MPRIP: variants seen among roughly 807,000 people sequenced by gnomAD.
MPRIP encodes myosin phosphatase Rho-interacting protein.
In MPRIP, 59 loss-of-function variants were observed where a neutral mutation model predicts 234.9. The observed-to-expected ratio is 0.25, with a 90% confidence interval of 0.20 to 0.31. The LOEUF (loss-of-function observed/expected upper bound fraction) is 0.31. Ranked by LOEUF, MPRIP falls within the 10% of genes least tolerant of loss-of-function variation. MPRIP has a pLI of 1.00. For missense variants in MPRIP, 2,436 were observed against 3,071.0 expected (o/e 0.79, Z 4.89); for synonymous variants, 1,144 against 1,263.9 (o/e 0.91, Z 2.01).
At position 17,174,006 on chromosome 17, in the gene MPRIP, G is replaced by A. The variant is rs11551186; in HGVS notation, c.6681G>A (p.Ala2227=). The change falls in exon 19 of 24, where the codon GCG becomes GCA. Residue 2227 remains alanine (A), a synonymous_variant. Coordinates refer to ENST00000651222, the MANE Select transcript of MPRIP (RefSeq NM_001364716.4). ...KCLENAHLAQ[A]LEAERQALRQ... The stretch of plus-strand genomic sequence containing the variant: ...TGGAGAATGCCCATCTGGCCCAGGC[G>A]CTGGAGGCCGAGCGGCAGGCCCTGC... 3.4e-3 allele frequency: 5,491 copies of A among 1,613,672 alleles called. 97 individuals carry two copies. The African/African-American group carries it at 0.046, about 14-fold the overall frequency.
At position 17,137,329 on chromosome 17, in the gene MPRIP, C is replaced by A. The variant is rs573988968; in HGVS notation, c.737-587C>A. ...AGGAGTTTGAGACCAGCCTGGCCAA[C>A]ATAGTGAAATCCCATCTCTGCTAAA... On this transcript the variant is annotated intron_variant, in intron 6 of 23. Coordinates refer to ENST00000651222, the MANE Select transcript of MPRIP (RefSeq NM_001364716.4). Among the ~76,000 whole-genome samples, 6 of 152,182 alleles carry A rather than the reference C, an allele frequency of 3.9e-5. 1 individual carries two copies. In the South Asian group the frequency reaches 1.2e-3, roughly 32 times the overall value.
chr17:17,166,427 A>G lies in MPRIP; in HGVS notation c.4836A>G (p.Val1612=), dbSNP rs1457975209. 1 of 1,304,394 alleles carries G rather than the reference A, an allele frequency of 7.7e-7. No individual in the cohort carries two copies. The highest frequency in any genetic ancestry group is 1.2e-5 in the South Asian group (1 of 81,024). The allele number at this position is 1,304,394 out of a possible 1,614,324, so 80.8% of individuals were successfully genotyped here. A position where few individuals can be genotyped will look rare whatever the true frequency, so the allele number is the denominator to read the frequency against. Residue 1612 remains valine, a synonymous_variant, in exon 16 of 24, where the codon GTA becomes GTG. Transcript: ENST00000651222. The surrounding 1 kb of genome is among the most constrained non-coding windows in gnomAD (Gnocchi z 4.4). ...QPPMESAGAP[V]DTWARKVLVD... is the part of the protein sequence containing the mutation. ...CGATGGAATCTGCTGGGGCCCCCGTAGACACCTGGGCCAGGAAGGTCCTAG... is the reference window on the plus strand; with the variant it reads ...CGATGGAATCTGCTGGGGCCCCCGTGGACACCTGGGCCAGGAAGGTCCTAG...
Position 17,142,710 on chromosome 17 carries a change from C to A in MPRIP, c.1334C>A (p.Pro445Gln), listed in dbSNP as rs3744137. 0.52 allele frequency: 831,875 copies of A among 1,611,912 alleles called. 222,666 individuals are homozygous for A. Among genetic ancestry groups the A allele is most frequent in the East Asian group, 0.66 (29,562 of 44,858 alleles). The stretch of plus-strand genomic sequence containing the variant: ...GAGACCAATGCAGTGGGGCCCTCAC[C>A]ATCCAGCGACACACGCCAGGGCCGC... ...HMETNAVGPSPSSDTRQGRSE... is the reference protein window; with the variant it reads ...HMETNAVGPSQSSDTRQGRSE... Residue 445 changes from proline (P) to glutamine (Q), a missense_variant, in exon 8 of 24, where the codon CCA becomes CAA. Physicochemically the swap from Pro to Gln is moderately conservative, Grantham distance 76. Coordinates refer to ENST00000651222, the MANE Select transcript of MPRIP (RefSeq NM_001364716.4).
At chr17:17,056,369 A>C (rs1298163194) in intron 1 of MPRIP, among the ~76,000 whole-genome samples, 1 of 152,198 alleles carries the variant, frequency 6.6e-6, no homozygotes, top group Non-Finnish European at 1.5e-5. Context: ...TCCTGTGGCC[A>C]CGGGCTGTTT....
intron 12 of MPRIP, 41 bp downstream of exon 12, chr17:17,150,274 C>T (rs1269608247): frequency 6.8e-7 from 1 of 1,469,784 alleles, no homozygotes; most frequent in South Asian, 1.1e-5. Context: ...GCTTGACAGG[C>T]AGGGATGCAT....
Position 17,142,771 on chromosome 17 carries a change from C to T in MPRIP, c.1389+6C>T, listed in dbSNP as rs762198610. On this transcript the variant is annotated splice_donor_region_variant and intron_variant, in intron 8 of 23. Transcript: ENST00000651222. ...GGGCGTTCCCTAGGAAGCGGGTGAG[C>T]TCCTGGGGCTGGGCAGCACCTCAGG... is the stretch of plus-strand genomic sequence containing the variant. 1 of 1,611,504 alleles carries T rather than the reference C, an allele frequency of 6.2e-7. No homozygotes were observed. The highest frequency in any genetic ancestry group is 1.7e-5 in the Admixed American group (1 of 59,972).
chr17:17,169,648 G>A (rs2046086584), intron 16 of MPRIP, among the ~76,000 whole-genome samples: 1 of 152,214 alleles, frequency 6.6e-6, no homozygotes, highest in Admixed American at 6.5e-5. Context: ...CTGTGCCTGG[G>A]AGCTTCTAGC....
rs1470067807 is a variant in MPRIP, at chr17:17,166,107, G to C, written c.4516G>C (p.Ala1506Pro). 7.7e-7 allele frequency: 1 copy of C among 1,299,360 alleles called. No homozygotes were observed. The highest frequency in any genetic ancestry group is 5.6e-5 in the East Asian group (1 of 17,932). The allele number at this position is 1,299,360 out of a possible 1,614,324, so 80.5% of individuals were successfully genotyped here. A position where few individuals can be genotyped will look rare whatever the true frequency, so the allele number is the denominator to read the frequency against. Residue 1506 changes from alanine (A) to proline (P), a missense_variant, in exon 16 of 24, where the codon GCC becomes CCC. Ala to Pro is a conservative substitution (Grantham distance 27). Around this residue, in one of 4 missense-constraint regions of MPRIP, gnomAD observed 1,998 missense variants for 2,520.3 expected, o/e 0.79. Coordinates refer to ENST00000651222, the MANE Select transcript of MPRIP (RefSeq NM_001364716.4). This position sits in a 1 kb window ranked among gnomAD's most constrained non-coding sequence, Gnocchi z 4.4. ...DEQDARAASL[A>P]SVESALVSAI... Reference sequence around the variant, plus strand: ...GCAGGACGCACGCGCAGCCTCCCTGGCCAGTGTGGAGAGTGCACTCGTCAG... The same window carrying C: ...GCAGGACGCACGCGCAGCCTCCCTGCCCAGTGTGGAGAGTGCACTCGTCAG...
At chr17:17,082,285 A>ATTTTTTTTTTTTT (rs71355536) in intron 3 of MPRIP, among the ~76,000 whole-genome samples, 7 of 88,702 alleles carry the variant, frequency 7.9e-5, no homozygotes, top group African/African-American at 2.8e-4. Context: ...GCTTTTTCCA[A>ATTTTTTTTTTTTT]TTTTTTTTTT....
intron 5 of MPRIP, among the ~76,000 whole-genome samples, chr17:17,133,837 C>T (rs772096690): frequency 1.3e-5 from 2 of 152,206 alleles, no homozygotes; most frequent in East Asian, 1.9e-4. Flanking sequence ...GCCTGAGAGG[C>T]GTGGGCTCCA....
At chr17:17,172,012 T>G (rs2046148171) in intron 17 of MPRIP, 147 bp downstream of exon 17, 2 of 992,728 alleles carry the variant, frequency 2.0e-6, no homozygotes, top group African/African-American at 3.3e-5. Context: ...CTATTCACTC[T>G]GAGGCAAAGG....
rs865815623 is a variant in MPRIP, at chr17:17,157,437, G to A, written c.1830-995G>A. Among the ~76,000 whole-genome samples the A allele has an allele frequency of 2.0e-4, 30 of 152,218 alleles. 1 individual carries two copies. The highest frequency in any genetic ancestry group is 2.9e-5 in the Non-Finnish European group (2 of 68,030). On this transcript the variant is annotated intron_variant, in intron 13 of 23. Coordinates refer to ENST00000651222, the MANE Select transcript of MPRIP (RefSeq NM_001364716.4). ...TCCAAGCCTCTGGCTACTGCATGGTGTGAACTCGTGGCCACCTGGGCCTCC... is the reference window on the plus strand; with the variant it reads ...TCCAAGCCTCTGGCTACTGCATGGTATGAACTCGTGGCCACCTGGGCCTCC...
chr17:17,048,048 G>A (rs1181480978), intron 1 of MPRIP, among the ~76,000 whole-genome samples: 1 of 152,126 alleles, frequency 6.6e-6, no homozygotes, highest in African/African-American at 2.4e-5. Context: ...GTTGATCTGG[G>A]GGTGATGTCT....
rs1488823572 is a variant in MPRIP at position 17,166,852 on chromosome 17, T to C, written c.5261T>C (p.Leu1754Pro). ...GACCTGAGCCCCTTAGGAGAAGTCCTGGGCCGAGACTCAGACAGCTCTCAG... is the reference window on the plus strand; with the variant it reads ...GACCTGAGCCCCTTAGGAGAAGTCCCGGGCCGAGACTCAGACAGCTCTCAG... ...SWDLSPLGEVLGRDSDSSQEP... is the reference protein window; with the variant it reads ...SWDLSPLGEVPGRDSDSSQEP... The change falls in exon 16 of 24, where the codon CTG becomes CCG. Residue 1754 changes from leucine to proline, a missense_variant. Coordinates refer to ENST00000651222, the MANE Select transcript of MPRIP (RefSeq NM_001364716.4). This position sits in a 1 kb window ranked among gnomAD's most constrained non-coding sequence, Gnocchi z 4.4. 1.5e-6 allele frequency: 2 copies of C among 1,304,060 alleles called. No individual in the cohort carries two copies. Among genetic ancestry groups the C allele is most frequent in the Admixed American group, 2.3e-5 (1 of 43,540 alleles). The allele number at this position is 1,304,060 out of a possible 1,614,324, so 80.8% of individuals were successfully genotyped here. A position where few individuals can be genotyped will look rare whatever the true frequency, so the allele number is the denominator to read the frequency against.
Position 17,137,964 on chromosome 17 carries a change from G to A in MPRIP, c.785G>A (p.Arg262Gln), listed in dbSNP as rs748593034. The A allele has an allele frequency of 9.3e-6, 15 of 1,612,874 alleles. No homozygotes were observed. The highest frequency in any genetic ancestry group is 3.3e-5 in the Admixed American group (2 of 59,946). The change falls in exon 7 of 24, where the codon CGG (arginine) becomes CAG (glutamine). Residue 262 changes from arginine to glutamine, a missense_variant. Coordinates refer to ENST00000651222, the MANE Select transcript of MPRIP (RefSeq NM_001364716.4). ...SDRMDCGRKV[R>Q]VESGYFSLEK... ...CGCATGGACTGTGGCCGCAAAGTCCGGGTGGAGAGCGGCTACTTCTCTCTG... is the reference window on the plus strand; with the variant it reads ...CGCATGGACTGTGGCCGCAAAGTCCAGGTGGAGAGCGGCTACTTCTCTCTG...
intron 1 of MPRIP, among the ~76,000 whole-genome samples, chr17:17,064,542 C>T (rs976312544): frequency 6.6e-6 from 1 of 152,158 alleles, no homozygotes; most frequent in Non-Finnish European, 1.5e-5. Context: ...GTGTCTCCAT[C>T]GCCTTCTCCC....
intron 3 of MPRIP, among the ~76,000 whole-genome samples, chr17:17,085,975 G>C (rs941509372): frequency 6.6e-6 from 1 of 152,218 alleles, no homozygotes. Context: ...GAATTATCCA[G>C]GTGCCCAGAG....
intron 3 of MPRIP, among the ~76,000 whole-genome samples, chr17:17,091,376 T>C (rs2089712970): frequency 6.6e-6 from 1 of 152,054 alleles, no homozygotes; most frequent in Non-Finnish European, 1.5e-5. Context: ...GTCCCCACTA[T>C]CACTCCCAGT....
At chr17:17,168,430 GGAACT>G (rs1308999367) in intron 16 of MPRIP, 2 of 254,046 alleles carry the variant, frequency 7.9e-6, no homozygotes, top group Non-Finnish European at 1.6e-5. Context: ...GTCCCTCTCT[GGAACT>G]GGCATTTGAT....
Sources: gnomAD v4.1 joint callset for allele counts (sites outside exome capture counted in the v4.1 genomes callset) on GRCh38, gnomAD v4.1.1 for gene constraint, gnomAD v4.1.1 regional missense constraint, Gnocchi (gnomAD v3.1) non-coding constraint, MANE v1.5 for transcripts, NCBI Gene and HGNC (gene_info 2026-07-23, HGNC 2026-07-21) for gene names.